Variants in SLC7A2 observed in about 807,000 individuals in gnomAD.
SLC7A2 encodes the protein cationic amino acid transporter 2.
In SLC7A2, 48 loss-of-function variants were observed where a neutral mutation model predicts 58.9. The observed-to-expected ratio is 0.82, with a 90% CI of 0.65 to 1.04. The LOEUF is 1.04. Ranked by LOEUF, SLC7A2 falls within the 50% of genes least tolerant of loss-of-function variation. The pLI, the probability that SLC7A2 is intolerant of heterozygous loss-of-function variation, is 0.00. For synonymous variants in SLC7A2, 363 were observed against 314.5 expected, an observed-to-expected ratio of 1.15 and a Z score of -1.63; for missense variants, 1,029 against 818.8, an observed-to-expected ratio of 1.26 and a Z score of -3.13.
chr8:17,562,309 A>G (rs1254413773), intron 11 of SLC7A2, among the ~76,000 whole-genome samples, 199 bp downstream of exon 11: 1 of 146,948 alleles, frequency 6.8e-6, no homozygotes, highest in Non-Finnish European at 1.5e-5. Flanking sequence ...GGGTTCAAGC[A>G]CTTCTCCTGC....
At chr8:17,543,824 G>A (rs1193222495) in intron 3 of SLC7A2, 109 bp downstream of exon 3, 3 of 980,286 alleles carry the variant, frequency 3.1e-6, no homozygotes, top group Admixed American at 2.8e-5. Context: ...TGATGTCTGT[G>A]TGTCTCATTT....
At chr8:17,545,212 G>A (rs901735084) in intron 4 of SLC7A2, among the ~76,000 whole-genome samples, 57 of 152,102 alleles carry the variant, frequency 3.7e-4, no homozygotes, top group African/African-American at 1.2e-3. Flanking sequence ...CACTCACTCT[G>A]CTTTAGAACA....
intron 2 of SLC7A2, among the ~76,000 whole-genome samples, chr8:17,524,768 A>G (rs1225873414): frequency 6.6e-6 from 1 of 151,972 alleles, no homozygotes; most frequent in African/African-American, 2.4e-5. Flanking sequence ...GTATTTATGT[A>G]CATAGTTGTG....
chr8:17,523,866 G>T (rs1445200729), intron 2 of SLC7A2, among the ~76,000 whole-genome samples: 1 of 151,724 alleles, frequency 6.6e-6, no homozygotes, highest in Non-Finnish European at 1.5e-5. Context: ...CTATACATCT[G>T]ACAAAGGACT....
intron 2 of SLC7A2, among the ~76,000 whole-genome samples, chr8:17,543,035 T>G (rs936787166): frequency 6.6e-6 from 1 of 152,190 alleles, no homozygotes; most frequent in Non-Finnish European, 1.5e-5. Flanking sequence ...CCAAGGCTGC[T>G]ATATTCCTTT....
rs542201699 is a variant in SLC7A2, at chr8:17,557,434, C to G, written c.1196-861C>G. 1.2e-4 allele frequency among the ~76,000 whole-genome samples: 19 copies of G among 152,206 alleles called. 1 individual carries two copies. In the South Asian group the frequency reaches 3.7e-3, roughly 30 times the overall value. On this transcript the variant is annotated intron_variant, in intron 8 of 12. Transcript: ENST00000494857. ...AACTGATCTCTCAGATCTAGTAAGT[C>G]TACCTGGAATGCATGGCTTTAATCG...
At chr8:17,510,942 C>A (rs1205534700) in intron 2 of SLC7A2, 1 of 152,200 alleles carries the variant, frequency 6.6e-6, no homozygotes, top group Non-Finnish European at 1.5e-5. Flanking sequence ...GCGATCATAT[C>A]CTTTGCAGGA....
Position 17,565,383 on chromosome 8 carries a change from T to G in SLC7A2, c.*237T>G, listed in dbSNP as rs888993132. On this transcript the variant is annotated 3_prime_UTR_variant, in exon 13 of 13. Transcript: ENST00000494857. ...ATGAATAGCCCCCAAACAGTGGGAG[T>G]GTGTATGTATGTGTGTATGTATGTA... 1.6e-5 allele frequency: 8 copies of G among 489,980 alleles called. No individual in the cohort carries two copies. Among genetic ancestry groups the G allele is most frequent in the Non-Finnish European group, 2.9e-5 (8 of 274,972 alleles). The allele number at this position is 489,980 out of a possible 1,614,324, so 30.4% of individuals were successfully genotyped here. A position where few individuals can be genotyped will look rare whatever the true frequency, so the allele number is the denominator to read the frequency against.
At chr8:17,503,901 G>A (rs921143882) in intron 2 of SLC7A2, among the ~76,000 whole-genome samples, 1 of 152,276 alleles carries the variant, frequency 6.6e-6, no homozygotes, top group South Asian at 2.1e-4. Flanking sequence ...CTTGAGTTCT[G>A]GGGAAACCTA....
At chr8:17,498,070 G>A (rs953805357) in intron 1 of SLC7A2, among the ~76,000 whole-genome samples, 2 of 152,182 alleles carry the variant, frequency 1.3e-5, no homozygotes, top group Non-Finnish European at 2.9e-5. Context: ...GGCTTTTGAA[G>A]TGGATATAGT....
intron 2 of SLC7A2, among the ~76,000 whole-genome samples, chr8:17,537,188 C>G (rs1487215283): frequency 6.6e-6 from 1 of 152,188 alleles, no homozygotes; most frequent in Admixed American, 6.5e-5. Flanking sequence ...TCCCGAGTAG[C>G]TGGGATTACA....
At chr8:17,520,887 A>T (rs2150688519) in intron 2 of SLC7A2, 1 of 205,510 alleles carries the variant, frequency 4.9e-6, no homozygotes, top group African/African-American at 2.3e-5. Flanking sequence ...TAAGTGTCTT[A>T]AAAGCAAATC....
rs737039 is a variant in SLC7A2, at chr8:17,548,674, A to G, written c.533-4A>G. ...ATAAAAATTGAAATGCCCTTTTTCC[A>G]TAGGTCTTTTGTCTTTTGGAGTAAA... On this transcript the variant is annotated splice_region_variant and splice_polypyrimidine_tract_variant and intron_variant, in intron 4 of 12. Coordinates refer to ENST00000494857, the MANE Select transcript of SLC7A2 (RefSeq NM_001370338.1). 970,669 of 1,584,876 alleles carry G rather than the reference A, an allele frequency of 0.61. 301,081 individuals carry two copies. The highest frequency in any genetic ancestry group is 0.67 in the Admixed American group (35,750 of 53,754).
chr8:17,561,916 ACT>A (rs758331282), intron 10 of SLC7A2, 26 bp from the exon 11 acceptor site: 63 of 1,611,244 alleles, frequency 3.9e-5, no homozygotes, highest in Non-Finnish European at 5.1e-5. Context: ...CAGTGTGCTG[ACT>A]CTGTTATCTA....
chr8:17,555,947 A>C (rs558770638), intron 8 of SLC7A2, among the ~76,000 whole-genome samples: 144 of 152,316 alleles, frequency 9.5e-4, no homozygotes, highest in African/African-American at 3.2e-3. Flanking sequence ...TCAAACCAAA[A>C]TGACAATTTC....
intron 2 of SLC7A2, among the ~76,000 whole-genome samples, chr8:17,507,672 A>C (rs917116549): frequency 3.9e-5 from 6 of 152,196 alleles, no homozygotes; most frequent in Non-Finnish European, 7.3e-5. Context: ...CAATTATTAC[A>C]TGTCAGTGAA....
At chr8:17,515,518 T>G (rs1800771835) in intron 2 of SLC7A2, among the ~76,000 whole-genome samples, 1 of 152,052 alleles carries the variant, frequency 6.6e-6, no homozygotes, top group African/African-American at 2.4e-5. Flanking sequence ...ATGGTTTTGA[T>G]CTCCTGACCT....
chr8:17,509,735 T>G (rs1400478714), intron 2 of SLC7A2, among the ~76,000 whole-genome samples: 2 of 152,196 alleles, frequency 1.3e-5, no homozygotes, highest in Non-Finnish European at 2.9e-5. Context: ...GTAATCTTTT[T>G]CCAGTGTTCA....
At chr8:17,510,166 G>A (rs1800543880) in intron 2 of SLC7A2, among the ~76,000 whole-genome samples, 1 of 152,038 alleles carries the variant, frequency 6.6e-6, no homozygotes, top group Non-Finnish European at 1.5e-5. Context: ...GTTGCAGTGA[G>A]CCAAGATAGC....
Sources: gnomAD v4.1 joint callset for allele counts (sites outside exome capture counted in the v4.1 genomes callset) on GRCh38, gnomAD v4.1.1 for gene constraint, MANE v1.5 for transcripts, NCBI Gene and HGNC (gene_info 2026-07-23, HGNC 2026-07-21) for gene names.